Variants in FAT2 observed in about 807,000 individuals in gnomAD.
FAT2 encodes FAT atypical cadherin 2.
A neutral mutation model predicts 295.3 loss-of-function variants in FAT2; 150 were observed. The ratio of observed to expected loss-of-function variants is 0.51; its 90% confidence interval spans 0.44 to 0.58. The LOEUF is 0.58. FAT2 is among the 20% of genes least tolerant of loss of function. FAT2 has a pLI of 0.00. For synonymous variants in FAT2, 2,026 were observed against 2,150.3 expected (o/e 0.94, Z 1.60); for missense variants, 4,868 against 5,442.7 (o/e 0.89, Z 3.32).
chr5:151,506,939 T>C (rs1310770206), intron 23 of FAT2, among the ~76,000 whole-genome samples: 5 of 152,162 alleles, frequency 3.3e-5, no homozygotes, highest in African/African-American at 1.2e-4. Context: ...ATGGAGTGAC[T>C]TGGAATTTAA....
chr5:151,581,280 T>G (rs902661148), intron 1 of FAT2, among the ~76,000 whole-genome samples: 9 of 152,174 alleles, frequency 5.9e-5, no homozygotes, highest in Non-Finnish European at 1.3e-4. Context: ...GTGGGCACAG[T>G]GCCTTGCATG....
chr5:151,524,442 G>GAGC (rs3056492), intron 18 of FAT2, among the ~76,000 whole-genome samples: 102,254 of 151,664 alleles, frequency 0.67, 34,860 homozygotes, highest in East Asian at 0.92. Flanking sequence ...AGGGCCATGT[G>GAGC]ATACAATGAG....
At chr5:151,517,265 T>G (rs1752965304) in intron 20 of FAT2, among the ~76,000 whole-genome samples, 1 of 152,254 alleles carries the variant, frequency 6.6e-6, no homozygotes, top group Non-Finnish European at 1.5e-5. Flanking sequence ...CCATGGGGTT[T>G]GAGCACCCCC....
At chr5:151,560,620 G>A (rs920664991) in intron 3 of FAT2, among the ~76,000 whole-genome samples, 3 of 151,712 alleles carry the variant, frequency 2.0e-5, no homozygotes, top group African/African-American at 7.3e-5. Context: ...AGTGGCCAGG[G>A]CACTGTATCT....
chr5:151,506,560 C>G (rs913222202), intron 23 of FAT2, among the ~76,000 whole-genome samples: 2 of 152,230 alleles, frequency 1.3e-5, no homozygotes, highest in African/African-American at 4.8e-5. Context: ...TTGGTCCTAG[C>G]CCTGCCTCTG....
chr5:151,560,128 A>G (rs1380663941), intron 3 of FAT2, among the ~76,000 whole-genome samples: 4 of 152,108 alleles, frequency 2.6e-5, no homozygotes, highest in Non-Finnish European at 5.9e-5. Context: ...CTGAGTCACC[A>G]CAATCTAGGT....
intron 1 of FAT2, among the ~76,000 whole-genome samples, chr5:151,586,335 CG>C (rs747924449): frequency 1.3e-5 from 2 of 152,178 alleles, no homozygotes; most frequent in Non-Finnish European, 2.9e-5. Context: ...CCCCAGCCAG[CG>C]GAAGGATAGA....
chr5:151,543,330 A>T lies in FAT2; in HGVS notation c.7797T>A (p.Ser2599Arg), dbSNP rs772465366. 8.1e-6 allele frequency: 13 copies of T among 1,614,048 alleles called. No homozygotes were observed. In the Admixed American group the frequency reaches 2.0e-4, roughly 25 times the overall value. The change falls in exon 10 of 24, where the codon AGT becomes AGA. Residue 2599 changes from serine to arginine, a missense_variant. Coordinates refer to ENST00000261800, the MANE Select transcript of FAT2 (RefSeq NM_001447.3). ...ACACCTGGATAACCGGAGAGTCTTT[A>T]CTGACATTGGATTGAATGGATACTG... ...EYTVSIQSNV[S>R]KDSPVIQVLA...
chr5:151,556,442 C>T, intron 3 of FAT2, 40 bp from the exon 4 acceptor site: 2 of 1,447,224 alleles, frequency 1.4e-6, no homozygotes, highest in Non-Finnish European at 1.9e-6. Context: ...GAGCAGAAGA[C>T]TTTCAGGGCC....
At chr5:151,572,404 A>G (rs1036335760) in intron 1 of FAT2, among the ~76,000 whole-genome samples, 11 of 152,206 alleles carry the variant, frequency 7.2e-5, no homozygotes, top group Non-Finnish European at 1.6e-4. Context: ...AAAGAAAGAG[A>G]CTTGCCCAAA....
rs751244997 is a variant in FAT2 at position 151,529,286 on chromosome 5, T to A, written c.9918A>T (p.Thr3306=). Residue 3306 remains threonine (T), a synonymous_variant, in exon 15 of 24, where the codon ACA becomes ACT. Coordinates refer to ENST00000261800, the MANE Select transcript of FAT2 (RefSeq NM_001447.3). The stretch of plus-strand genomic sequence containing the variant: ...TGACATCAGTGATGTTGACCATGAC[T>A]GTGGTCACGTCACTGAGGGAAGAGG... ...KSSSSLSDVT[T]VMVNITDVNE... The A allele has an allele frequency of 1.7e-5, 27 of 1,613,804 alleles. No individual in the cohort carries two copies. The highest frequency in any genetic ancestry group is 2.0e-5 in the Non-Finnish European group (24 of 1,179,706).
chr5:151,522,806 C>T (rs1204300698), intron 18 of FAT2, among the ~76,000 whole-genome samples: 5 of 152,212 alleles, frequency 3.3e-5, no homozygotes, highest in South Asian at 2.1e-4. Context: ...ACAGCACAGA[C>T]GGGGTCACTG....
chr5:151,534,970 A>AATATATATATATATAT (rs138459865), intron 12 of FAT2, among the ~76,000 whole-genome samples: 1,107 of 106,220 alleles, frequency 0.01, 34 homozygotes, highest in African/African-American at 0.026. Flanking sequence ...CTTCTAGGAA[A>AATATATATATATATAT]ATATATATAT....
At position 151,565,655 on chromosome 5, in the gene FAT2, C is replaced by CCAA; in HGVS notation, c.3259+17_3259+18insTTG. 1 of 1,483,844 alleles carries CCAA rather than the reference C, an allele frequency of 6.7e-7. No homozygotes were observed. The highest frequency in any genetic ancestry group is 9.2e-7 in the Non-Finnish European group (1 of 1,090,530). The allele number at this position is 1,483,844 out of a possible 1,614,324, so 91.9% of individuals were successfully genotyped here. A position where few individuals can be genotyped will look rare whatever the true frequency, so the allele number is the denominator to read the frequency against. On this transcript the variant is annotated intron_variant, in intron 2 of 23. Transcript: ENST00000261800. ...CTACCTCTGGCCCTGGCACCCCACC[C>CCAA]TACCCCACCCCCAGTACCTGTATCT...
intron 1 of FAT2, among the ~76,000 whole-genome samples, chr5:151,580,009 C>CTTGA (rs1758883938): frequency 6.6e-6 from 1 of 152,210 alleles, no homozygotes; most frequent in East Asian, 1.9e-4. Context: ...CCCTAGGGCA[C>CTTGA]AGTTTGAAGA....
At chr5:151,513,952 A>T (rs1752579402) in intron 20 of FAT2, among the ~76,000 whole-genome samples, 1 of 152,210 alleles carries the variant, frequency 6.6e-6, no homozygotes, top group Admixed American at 6.5e-5. Context: ...GAAGTCAAAA[A>T]GTCTGAGAAC....
At chr5:151,553,133 G>A (rs1256822409) in intron 6 of FAT2, 44 bp downstream of exon 6, 2 of 1,580,364 alleles carry the variant, frequency 1.3e-6, no homozygotes, top group South Asian at 1.1e-5. Flanking sequence ...GGTGTATAAG[G>A]ATGGGAGGGG....
chr5:151,515,046 C>A (rs1752709732), intron 20 of FAT2, among the ~76,000 whole-genome samples: 1 of 152,122 alleles, frequency 6.6e-6, no homozygotes, highest in East Asian at 1.9e-4. Flanking sequence ...TTTCCTGTCC[C>A]TTTTCCGCAA....
At chr5:151,554,276 G>C in intron 5 of FAT2, 86 bp downstream of exon 5, 1 of 1,239,594 alleles carries the variant, frequency 8.1e-7, no homozygotes, top group Admixed American at 2.2e-5. Context: ...TATGCTGGTG[G>C]GCTGTCTCCC....
Sources: gnomAD v4.1 joint callset for allele counts (sites outside exome capture counted in the v4.1 genomes callset) on GRCh38, gnomAD v4.1.1 for gene constraint, MANE v1.5 for transcripts, NCBI Gene and HGNC (gene_info 2026-07-23, HGNC 2026-07-21) for gene names.